NRG3: variants seen among roughly 807,000 people sequenced by gnomAD.
NRG3 encodes neuregulin 3.
In NRG3, 31 loss-of-function variants were observed where a neutral mutation model predicts 66.9. That is an observed-to-expected ratio of 0.46 (90% CI 0.35 to 0.63). NRG3 has a LOEUF of 0.63. NRG3 is among the 20% of genes least tolerant of loss of function. The pLI is 0.00. For missense variants in NRG3, 910 were observed against 878.9 expected, an observed-to-expected ratio of 1.04 and a Z score of -0.45; for synonymous variants, 393 against 359.4, an observed-to-expected ratio of 1.09 and a Z score of -1.06.
rs35072007 is a variant in NRG3 at position 82,294,434 on chromosome 10, A to AGTGT, written c.824-64278_824-64275dup. ...TAATAAACACATATTCTACTGATGAAGTGTGTGTGTGTGTGTGTGTGTGTG... is the reference window on the plus strand; with the variant it reads ...TAATAAACACATATTCTACTGATGAAGTGTGTGTGTGTGTGTGTGTGTGTGTGTG... On this transcript the variant is annotated intron_variant, in intron 1 of 8. Coordinates refer to ENST00000372141, the MANE Select transcript of NRG3 (RefSeq NM_001010848.4). 5.5e-3 allele frequency among the ~76,000 whole-genome samples: 823 copies of AGTGT among 149,170 alleles called. 5 individuals carry two copies. Among genetic ancestry groups the AGTGT allele is most frequent in the South Asian group, 0.018 (85 of 4,642 alleles).
intron 4 of NRG3, among the ~76,000 whole-genome samples, chr10:82,938,850 T>A (rs1030172901): frequency 6.6e-6 from 1 of 152,186 alleles, no homozygotes; most frequent in Non-Finnish European, 1.5e-5. Context: ...GCTCCTAGAA[T>A]GTGACTTTGC....
intron 1 of NRG3, among the ~76,000 whole-genome samples, chr10:82,076,157 G>A (rs981988418): frequency 6.6e-6 from 1 of 152,124 alleles, no homozygotes; most frequent in Non-Finnish European, 1.5e-5. Context: ...GACAGACATC[G>A]ATAATCAGTC....
Position 82,877,639 on chromosome 10 carries a change from T to C in NRG3, c.1054+12202T>C, listed in dbSNP as rs540266239. On this transcript the variant is annotated intron_variant, in intron 4 of 8. Transcript: ENST00000372141. ...CCTGACCTCAGGTGATCCACGTGCC[T>C]CAGCCTCCCAAAGTGCTGGGATTAC... Among the ~76,000 whole-genome samples the C allele has an allele frequency of 1.5e-3, 220 of 147,552 alleles. 1 individual carries two copies. Among genetic ancestry groups the C allele is most frequent in the Admixed American group, 4.9e-3 (71 of 14,426 alleles).
At chr10:82,810,687 C>T (rs1051951425) in intron 3 of NRG3, among the ~76,000 whole-genome samples, 6 of 146,400 alleles carry the variant, frequency 4.1e-5, no homozygotes, top group African/African-American at 1.0e-4. Context: ...CACTTGAACC[C>T]GGGAGACGGA....
chr10:82,516,850 A>T (rs943583855), intron 2 of NRG3, among the ~76,000 whole-genome samples: 11 of 152,154 alleles, frequency 7.2e-5, no homozygotes, highest in Non-Finnish European at 1.3e-4. Flanking sequence ...GAAAGGAAAA[A>T]TATATGATGT....
chr10:82,093,524 A>G (rs2066151919), intron 1 of NRG3, among the ~76,000 whole-genome samples: 1 of 152,234 alleles, frequency 6.6e-6, no homozygotes, highest in South Asian at 2.1e-4. Flanking sequence ...GACTTCTGAC[A>G]TTGAGGAAAT....
chr10:82,243,239 T>C (rs2077081976), intron 1 of NRG3, among the ~76,000 whole-genome samples: 1 of 152,176 alleles, frequency 6.6e-6, no homozygotes, highest in Non-Finnish European at 1.5e-5. Context: ...AACAGCCTTC[T>C]AGTAAATATG....
chr10:82,388,336 G>C (rs1032275040), intron 2 of NRG3, among the ~76,000 whole-genome samples: 1 of 152,128 alleles, frequency 6.6e-6, no homozygotes, highest in Non-Finnish European at 1.5e-5. Flanking sequence ...TACGTAAAAA[G>C]AGAATGTATT....
chr10:82,070,562 C>T (rs1214292349), intron 1 of NRG3, among the ~76,000 whole-genome samples: 1 of 151,520 alleles, frequency 6.6e-6, no homozygotes, highest in East Asian at 1.9e-4. Context: ...AAGATAAATA[C>T]AATTAAATTT....
rs1408564073 is a variant in NRG3, at chr10:81,919,987, G to GA, written c.823+43829dup. On this transcript the variant is annotated intron_variant, in intron 1 of 8. Coordinates refer to ENST00000372141, the MANE Select transcript of NRG3 (RefSeq NM_001010848.4). ...ACATCTGACAGATACACTAATATACGAAAAATTAAATAACAATAAAAATAA... is the reference window on the plus strand; with the variant it reads ...ACATCTGACAGATACACTAATATACGAAAAAATTAAATAACAATAAAAATAA... Among the ~76,000 whole-genome samples, 4 of 152,192 alleles carry GA rather than the reference G, an allele frequency of 2.6e-5. No individual in the cohort carries two copies. In the East Asian group the frequency reaches 7.7e-4, roughly 29 times the overall value.
At chr10:82,808,752 TA>T (rs2061383958) in intron 3 of NRG3, among the ~76,000 whole-genome samples, 1 of 152,226 alleles carries the variant, frequency 6.6e-6, no homozygotes, top group Admixed American at 6.5e-5. Flanking sequence ...ATTTATTCCT[TA>T]TACAGCTACT....
intron 2 of NRG3, among the ~76,000 whole-genome samples, chr10:82,435,342 C>T (rs1367569089): frequency 2.0e-5 from 3 of 151,964 alleles, no homozygotes; most frequent in Non-Finnish European, 4.4e-5. Context: ...TCTTCTTCTT[C>T]TTTATTAGTC....
At chr10:82,494,139 A>G (rs1843407763) in intron 2 of NRG3, among the ~76,000 whole-genome samples, 1 of 152,144 alleles carries the variant, frequency 6.6e-6, no homozygotes. Flanking sequence ...ACACTATTGG[A>G]GGGAATGTAA....
intron 4 of NRG3, among the ~76,000 whole-genome samples, chr10:82,926,866 T>C (rs1038907501): frequency 2.0e-5 from 3 of 152,248 alleles, no homozygotes; most frequent in African/African-American, 7.2e-5. Context: ...GCCTTTGGAT[T>C]GGACATCCAT....
chr10:82,830,712 A>G (rs1255206330), intron 3 of NRG3, among the ~76,000 whole-genome samples: 2 of 152,136 alleles, frequency 1.3e-5, no homozygotes, highest in Non-Finnish European at 2.9e-5. Flanking sequence ...TCTGGTTTGA[A>G]TGTGCTTGTA....
chr10:81,881,433 A>C (rs1842171766), intron 1 of NRG3, among the ~76,000 whole-genome samples: 1 of 152,196 alleles, frequency 6.6e-6, no homozygotes, highest in Non-Finnish European at 1.5e-5. Flanking sequence ...TTAAAACCTG[A>C]TGGAAGCTAA....
chr10:82,133,051 TTTTA>T (rs1274323014), intron 1 of NRG3, among the ~76,000 whole-genome samples: 1 of 151,968 alleles, frequency 6.6e-6, no homozygotes, highest in Non-Finnish European at 1.5e-5. Context: ...TTTATTTCAA[TTTTA>T]TTTATTTCTG....
intron 2 of NRG3, among the ~76,000 whole-genome samples, chr10:82,648,362 A>G (rs2051128686): frequency 6.6e-6 from 1 of 151,784 alleles, no homozygotes. Context: ...CCATTGATCT[A>G]TATCTCTGTT....
chr10:82,657,904 GA>G (rs35129207), intron 2 of NRG3, among the ~76,000 whole-genome samples: 79 of 144,976 alleles, frequency 5.4e-4, no homozygotes, highest in East Asian at 2.2e-3. Context: ...CACATACACA[GA>G]AAAAAAAAAA....
Sources: gnomAD v4.1 joint callset for allele counts (sites outside exome capture counted in the v4.1 genomes callset) on GRCh38, gnomAD v4.1.1 for gene constraint, MANE v1.5 for transcripts, NCBI Gene and HGNC (gene_info 2026-07-23, HGNC 2026-07-21) for gene names.